Variants in ATG10 observed in about 807,000 individuals in gnomAD.
ATG10 encodes the protein ubiquitin-like-conjugating enzyme ATG10.
Under a neutral mutation model 32.1 loss-of-function variants are expected in ATG10, and 30 were observed. The ratio of observed to expected loss-of-function variants is 0.94; its 90% CI spans 0.70 to 1.27. ATG10 has a LOEUF of 1.27. Ranked by LOEUF, ATG10 falls within the 50% of genes most tolerant of loss-of-function variation. The pLI is 0.00. For synonymous variants in ATG10, 87 were observed against 91.5 expected (o/e 0.95, Z 0.28); for missense variants, 233 against 262.3 (o/e 0.89, Z 0.77).
chr5:82,115,177 C>T (rs1228723824), intron 3 of ATG10, among the ~76,000 whole-genome samples: 2 of 151,894 alleles, frequency 1.3e-5, no homozygotes, highest in African/African-American at 4.8e-5. Context: ...TGGAAGAAAT[C>T]AACGATGAAA....
chr5:82,035,099 A>G (rs778005589), intron 2 of ATG10, among the ~76,000 whole-genome samples: 1 of 152,016 alleles, frequency 6.6e-6, no homozygotes, highest in Non-Finnish European at 1.5e-5. Context: ...TTTAGTAGAG[A>G]CAGGGTTTCA....
At chr5:82,245,950 T>G (rs1258550474) in intron 5 of ATG10, among the ~76,000 whole-genome samples, 1 of 152,134 alleles carries the variant, frequency 6.6e-6, no homozygotes, top group Admixed American at 6.6e-5. Context: ...AGAAGAGTGC[T>G]CATGATTAAC....
chr5:82,225,692 T>C (rs1746103963), intron 5 of ATG10, among the ~76,000 whole-genome samples: 1 of 152,182 alleles, frequency 6.6e-6, no homozygotes, highest in Non-Finnish European at 1.5e-5. Flanking sequence ...CCTTGCCGAT[T>C]TCCACAATGG....
chr5:82,181,052 C>T (rs1744211980), intron 5 of ATG10, among the ~76,000 whole-genome samples: 1 of 152,132 alleles, frequency 6.6e-6, no homozygotes, highest in South Asian at 2.1e-4. Flanking sequence ...ATTTCACTGT[C>T]ACACAGCCTA....
At chr5:82,039,955 C>T (rs1314186208) in intron 2 of ATG10, among the ~76,000 whole-genome samples, 1 of 152,160 alleles carries the variant, frequency 6.6e-6, no homozygotes, top group African/African-American at 2.4e-5. Flanking sequence ...ACTAACATGC[C>T]TGGTGCTTGA....
Position 82,082,099 on chromosome 5 carries a change from G to C in ATG10, c.216+23497G>C, listed in dbSNP as rs1254889582. The stretch of plus-strand genomic sequence containing the variant: ...CCATAATTCAGTTACCTTCCACTGG[G>C]TTCCTCCCATGACACATGGGAATTG... On this transcript the variant is annotated intron_variant, in intron 3 of 7. Transcript: ENST00000282185. 1.3e-5 allele frequency among the ~76,000 whole-genome samples: 2 copies of C among 152,114 alleles called. 1 individual carries two copies. Among genetic ancestry groups the C allele is most frequent in the Admixed American group, 1.3e-4 (2 of 15,274 alleles).
chr5:81,990,800 C>T (rs536806444), intron 2 of ATG10, among the ~76,000 whole-genome samples: 21 of 152,300 alleles, frequency 1.4e-4, no homozygotes, highest in African/African-American at 5.1e-4. Context: ...GACCAGAGTG[C>T]ATGGCCTATT....
At chr5:81,974,843 A>G (rs1030456296) in intron 1 of ATG10, among the ~76,000 whole-genome samples, 1 of 152,072 alleles carries the variant, frequency 6.6e-6, no homozygotes, top group African/African-American at 2.4e-5. Context: ...ATATCCCTCA[A>G]TCTATACTCT....
At chr5:82,156,604 T>C (rs768579372) in intron 3 of ATG10, among the ~76,000 whole-genome samples, 9 of 152,168 alleles carry the variant, frequency 5.9e-5, no homozygotes, top group Non-Finnish European at 1.3e-4. Flanking sequence ...TTAGAAAAAC[T>C]GTAAACTGTT....
chr5:81,979,571 A>G (rs1026653637), intron 1 of ATG10, among the ~76,000 whole-genome samples: 6 of 152,186 alleles, frequency 3.9e-5, no homozygotes, highest in African/African-American at 1.4e-4. Context: ...ATAGATGCTA[A>G]GATACGAAGT....
intron 3 of ATG10, among the ~76,000 whole-genome samples, chr5:82,130,777 G>A (rs1450458496): frequency 6.6e-6 from 1 of 152,116 alleles, no homozygotes; most frequent in Non-Finnish European, 1.5e-5. Flanking sequence ...GCAGACCGGA[G>A]CAGTTCCTGT....
intron 1 of ATG10, among the ~76,000 whole-genome samples, chr5:81,974,211 GAAAAA>G (rs919664308): frequency 6.7e-6 from 1 of 150,288 alleles, no homozygotes; most frequent in Admixed American, 6.6e-5. Flanking sequence ...GGAACCTTAA[GAAAAA>G]AAAAGCCATG....
At chr5:82,177,080 T>A (rs1744059564) in intron 4 of ATG10, among the ~76,000 whole-genome samples, 1 of 152,148 alleles carries the variant, frequency 6.6e-6, no homozygotes, top group South Asian at 2.1e-4. Flanking sequence ...GGTTTGAGAA[T>A]TACTGGAATA....
At chr5:82,148,244 A>G (rs1278329209) in intron 3 of ATG10, 1 of 152,178 alleles carries the variant, frequency 6.6e-6, no homozygotes, top group South Asian at 2.1e-4. Context: ...AATTTTGGTG[A>G]ACTCTGCTCT....
intron 2 of ATG10, among the ~76,000 whole-genome samples, chr5:81,988,144 T>G (rs2149667916): frequency 6.6e-6 from 1 of 152,304 alleles, no homozygotes; most frequent in East Asian, 1.9e-4. Flanking sequence ...TTTCAAAATA[T>G]TTTTTCTTTT....
At chr5:82,061,355 T>TC (rs1033397629) in intron 3 of ATG10, among the ~76,000 whole-genome samples, 5 of 151,672 alleles carry the variant, frequency 3.3e-5, no homozygotes, top group African/African-American at 1.2e-4. Context: ...AGAATGTTTT[T>TC]TTTTTCTTTT....
At chr5:81,978,236 A>C (rs1760924777) in intron 1 of ATG10, among the ~76,000 whole-genome samples, 1 of 152,086 alleles carries the variant, frequency 6.6e-6, no homozygotes, top group South Asian at 2.1e-4. Flanking sequence ...CGCCCAGCTA[A>C]TTTTAGTATT....
intron 3 of ATG10, among the ~76,000 whole-genome samples, chr5:82,137,512 C>T (rs1259918245): frequency 6.6e-6 from 1 of 152,184 alleles, no homozygotes; most frequent in Non-Finnish European, 1.5e-5. Flanking sequence ...GGGTCCACTC[C>T]ATACCCTGTT....
At chr5:82,070,732 C>A (rs1483493928) in intron 3 of ATG10, among the ~76,000 whole-genome samples, 1 of 152,254 alleles carries the variant, frequency 6.6e-6, no homozygotes, top group East Asian at 1.9e-4. Context: ...ACCTCTATTG[C>A]CACTTCCCAA....
Sources: gnomAD v4.1 joint callset for allele counts (sites outside exome capture counted in the v4.1 genomes callset) on GRCh38, gnomAD v4.1.1 for gene constraint, MANE v1.5 for transcripts, NCBI Gene and HGNC (gene_info 2026-07-23, HGNC 2026-07-21) for gene names.